The following BMPR2 variants were observed in gnomAD, a reference collection of about 807,000 sequenced individuals.
The protein encoded by BMPR2 is bone morphogenetic protein receptor type 2.
A neutral mutation model predicts 100.8 loss-of-function variants in BMPR2; 29 were observed. The ratio of observed to expected loss-of-function variants is 0.29; its 90% CI spans 0.21 to 0.39. The LOEUF (loss-of-function observed/expected upper bound fraction) is 0.39, where lower values mean the gene tolerates loss of function less well. Among genes scored for constraint, BMPR2 ranks in the 10% least tolerant of loss-of-function variants. The probability of loss-of-function intolerance (pLI) is 1.00; values close to 1 mark genes in which losing one functional copy is unlikely to be tolerated. For missense variants in BMPR2, 1,011 were observed against 1,274.5 expected, an observed-to-expected ratio of 0.79 and a Z score of 3.15; for synonymous variants, 382 against 442.3, an observed-to-expected ratio of 0.86 and a Z score of 1.71.
chr2:202,527,508 G>A (rs538933821), intron 7 of BMPR2, among the ~76,000 whole-genome samples: 105 of 142,868 alleles, frequency 7.3e-4, no homozygotes, highest in African/African-American at 2.6e-3. Context: ...TAAATAGGCC[G>A]GGCGCGGTGG....
intron 1 of BMPR2, among the ~76,000 whole-genome samples, chr2:202,412,566 G>T (rs867333545): frequency 1.3e-5 from 2 of 152,220 alleles, no homozygotes; most frequent in South Asian, 2.1e-4. Flanking sequence ...TGATCCGCCC[G>T]CCTCGGCCTC....
chr2:202,482,817 G>A (rs1253292966), intron 3 of BMPR2, among the ~76,000 whole-genome samples: 1 of 152,100 alleles, frequency 6.6e-6, no homozygotes, highest in Non-Finnish European at 1.5e-5. Context: ...GGGATTACAG[G>A]CATGAGCCAC....
chr2:202,485,641 G>C (rs766833466), intron 3 of BMPR2, among the ~76,000 whole-genome samples: 5 of 136,882 alleles, frequency 3.7e-5, no homozygotes, highest in Non-Finnish European at 7.6e-5. Context: ...CTGCCTCCCG[G>C]GTTCAACGGA....
At chr2:202,524,123 G>T (rs1687866309) in intron 7 of BMPR2, among the ~76,000 whole-genome samples, 2 of 152,130 alleles carry the variant, frequency 1.3e-5, no homozygotes, top group African/African-American at 4.8e-5. Context: ...AGCACTTTGG[G>T]GGGCTGAGGC....
chr2:202,458,420 A>G (rs1424358278), intron 1 of BMPR2, among the ~76,000 whole-genome samples: 1 of 151,982 alleles, frequency 6.6e-6, no homozygotes, highest in African/African-American at 2.4e-5. Flanking sequence ...CAGTGAGCCA[A>G]GGTTGTGCCA....
At chr2:202,501,512 G>A (rs865991771) in intron 3 of BMPR2, among the ~76,000 whole-genome samples, 16 of 152,154 alleles carry the variant, frequency 1.1e-4, no homozygotes, top group Admixed American at 4.6e-4. Flanking sequence ...GATAACTCTC[G>A]GAGTCCTTAC....
At chr2:202,386,124 C>T (rs1363032359) in intron 1 of BMPR2, among the ~76,000 whole-genome samples, 2 of 152,162 alleles carry the variant, frequency 1.3e-5, no homozygotes, top group Admixed American at 6.6e-5. Context: ...AGGATTCAGT[C>T]TTTAGACCTT....
At chr2:202,385,087 C>T (rs1202845042) in intron 1 of BMPR2, among the ~76,000 whole-genome samples, 1 of 151,998 alleles carries the variant, frequency 6.6e-6, no homozygotes, top group Non-Finnish European at 1.5e-5. Context: ...AAATATTTGG[C>T]CAGTAATCCA....
intron 12 of BMPR2, among the ~76,000 whole-genome samples, chr2:202,558,691 C>A (rs1041668803): frequency 6.7e-6 from 1 of 148,424 alleles, no homozygotes; most frequent in Non-Finnish European, 1.5e-5. Context: ...GTCGGGAGTT[C>A]GAGACCAACC....
intron 1 of BMPR2, among the ~76,000 whole-genome samples, chr2:202,428,658 C>T (rs1298551164): frequency 6.6e-6 from 1 of 152,084 alleles, no homozygotes; most frequent in African/African-American, 2.4e-5. Flanking sequence ...CCTGCCTGCT[C>T]AGCCTCCCAA....
At chr2:202,552,579 C>T in intron 10 of BMPR2, 137 bp from the exon 11 acceptor site, 1 of 873,264 alleles carries the variant, frequency 1.1e-6, no homozygotes, top group Non-Finnish European at 1.8e-6. Context: ...TCCTTGAAGC[C>T]TAAAATATGT....
At chr2:202,384,316 A>G (rs1690370265) in intron 1 of BMPR2, among the ~76,000 whole-genome samples, 1 of 152,210 alleles carries the variant, frequency 6.6e-6, no homozygotes, top group African/African-American at 2.4e-5. Context: ...ATATAGTGCA[A>G]AATGTGTGCA....
At chr2:202,383,479 G>A (rs1229574442) in intron 1 of BMPR2, among the ~76,000 whole-genome samples, 1 of 152,132 alleles carries the variant, frequency 6.6e-6, no homozygotes, top group Non-Finnish European at 1.5e-5. Flanking sequence ...TCAGGAGTTC[G>A]AGACCAACCC....
chr2:202,454,657 C>A (rs1692055656), intron 1 of BMPR2, among the ~76,000 whole-genome samples: 1 of 152,138 alleles, frequency 6.6e-6, no homozygotes, highest in Non-Finnish European at 1.5e-5. Context: ...ATTATCAGAA[C>A]AATTTACAGT....
chr2:202,484,964 G>C (rs752468076), intron 3 of BMPR2, among the ~76,000 whole-genome samples: 89 of 103,326 alleles, frequency 8.6e-4, no homozygotes, highest in African/African-American at 2.9e-3. Flanking sequence ...GTGAGACTCC[G>C]TCTCAAAAAA....
intron 3 of BMPR2, among the ~76,000 whole-genome samples, chr2:202,510,664 T>G (rs914536413): frequency 6.6e-6 from 1 of 152,010 alleles, no homozygotes; most frequent in Non-Finnish European, 1.5e-5. Context: ...TGAGGTTTTT[T>G]TTGTTTTTTT....
In BMPR2 at chr2:202,566,771, A is replaced by G. The variant is rs558265170; in HGVS notation, c.*6825A>G. On this transcript the variant is annotated 3_prime_UTR_variant, in exon 13 of 13. Transcript: ENST00000374580. ...AATAACCTGTATTTATCACATTGTC[A>G]AACAGAATTTTTCTTTGAATCAGAC... The G allele has an allele frequency of 6.6e-6, 1 of 152,300 alleles. No homozygotes were observed. Among genetic ancestry groups the G allele is most frequent in the Admixed American group, 6.5e-5 (1 of 15,288 alleles). The allele number at this position is 152,300 out of a possible 1,614,324, so 9.4% of individuals were successfully genotyped here. A position where few individuals can be genotyped will look rare whatever the true frequency, so the allele number is the denominator to read the frequency against.
Position 202,513,792 on chromosome 2 carries a change from G to A in BMPR2, c.492G>A (p.Leu164=), listed in dbSNP as rs1295114817. The part of the protein sequence containing the change: ...ALASVSVLAV[L]IVALCFGYRM... ...CATCAGTCTCTGTATTAGCTGTTTTGATAGTTGCCTTATGCTTTGGATACA... is the reference window on the plus strand; with the variant it reads ...CATCAGTCTCTGTATTAGCTGTTTTAATAGTTGCCTTATGCTTTGGATACA... Residue 164 remains leucine, a synonymous_variant, in exon 4 of 13, where the codon TTG becomes TTA. Transcript: ENST00000374580. The A allele has an allele frequency of 1.9e-6, 3 of 1,612,342 alleles. No homozygotes were observed. In the East Asian group the frequency reaches 6.7e-5, roughly 36 times the overall value.
intron 1 of BMPR2, among the ~76,000 whole-genome samples, chr2:202,380,359 A>G (rs958348838): frequency 2.0e-5 from 3 of 152,222 alleles, no homozygotes; most frequent in Non-Finnish European, 4.4e-5. Context: ...TCTCTTGAGG[A>G]ACACACACAT....
Sources: gnomAD v4.1 joint callset for allele counts (sites outside exome capture counted in the v4.1 genomes callset) on GRCh38, gnomAD v4.1.1 for gene constraint, MANE v1.5 for transcripts, NCBI Gene and HGNC (gene_info 2026-07-23, HGNC 2026-07-21) for gene names.